Variants in KCNAB2 observed in about 807,000 individuals in gnomAD.
The protein encoded by KCNAB2 is voltage-gated potassium channel subunit beta-2.
Under a neutral mutation model 63.6 loss-of-function variants are expected in KCNAB2, and 29 were observed. The observed-to-expected ratio is 0.46, with a 90% CI of 0.34 to 0.62. The LOEUF is 0.62. KCNAB2 is among the 20% of genes least tolerant of loss of function. KCNAB2 has a pLI of 0.01. For synonymous variants in KCNAB2, 222 were observed against 224.2 expected, an observed-to-expected ratio of 0.99 and a Z score of 0.09; for missense variants, 359 against 563.9, an observed-to-expected ratio of 0.64 and a Z score of 3.68.
intron 10 of KCNAB2, among the ~76,000 whole-genome samples, chr1:6,093,311 C>T (rs1188470410): frequency 1.3e-5 from 2 of 152,226 alleles, no homozygotes; most frequent in Non-Finnish European, 2.9e-5. Context: ...GCACTGTATC[C>T]GACCCGTGAG....
rs2100748261 is a variant in KCNAB2 at position 6,087,747 on chromosome 1, T to C, written c.470+236T>C. On this transcript the variant is annotated intron_variant, in intron 7 of 15. Transcript: ENST00000378083. The surrounding 1 kb of genome is among the most constrained non-coding windows in gnomAD (Gnocchi z 6.4). ...CAGCTATGCCTGGTGCCTGTCCCTG[T>C]TAAGGGACGTCAAATCCAGAAAAGA... Among the ~76,000 whole-genome samples the C allele has an allele frequency of 6.6e-6, 1 of 152,362 alleles. No homozygotes were observed. The highest frequency in any genetic ancestry group is 2.1e-4 in the South Asian group (1 of 4,828).
At position 5,994,467 on chromosome 1, in the gene KCNAB2, G is replaced by A. The variant is rs1042147354; in HGVS notation, c.-53+1679G>A. Among the ~76,000 whole-genome samples the A allele has an allele frequency of 6.6e-5, 10 of 152,196 alleles. No homozygotes were observed. The South Asian group carries it at 8.3e-4, about 13-fold the overall frequency. The stretch of plus-strand genomic sequence containing the variant: ...GGCCTCAGTGGCACTGACAGTGTTC[G>A]GGCCGCAGCACATCCCTCGAGAGCA... On this transcript the variant is annotated intron_variant, in intron 1 of 16. Coordinates refer to the KCNAB2 transcript ENST00000341524. The surrounding 1 kb of genome is among the most constrained non-coding windows in gnomAD (Gnocchi z 5.4).
chr1:6,066,405 A>G (rs1394033826), intron 2 of KCNAB2, among the ~76,000 whole-genome samples: 1 of 152,198 alleles, frequency 6.6e-6, no homozygotes, highest in Non-Finnish European at 1.5e-5. Context: ...GTTTGTGCTG[A>G]GGGCCGGGAG....
chr1:6,083,232 T>A (rs559083452), intron 5 of KCNAB2, among the ~76,000 whole-genome samples: 3 of 151,934 alleles, frequency 2.0e-5, no homozygotes, highest in South Asian at 4.2e-4. Flanking sequence ...AGCGGAGGGG[T>A]CTGAGGTCAA....
chr1:6,064,828 C>T (rs1662605921), intron 2 of KCNAB2, among the ~76,000 whole-genome samples: 2 of 152,154 alleles, frequency 1.3e-5, no homozygotes, highest in East Asian at 1.9e-4. Context: ...GTGAGGGGGA[C>T]ACTTGGGATC....
In KCNAB2 at chr1:6,028,285, T is replaced by C. The variant is rs1659341894; in HGVS notation, c.-52-12232T>C. 6.6e-6 allele frequency among the ~76,000 whole-genome samples: 1 copy of C among 152,212 alleles called. No individual in the cohort carries two copies. The highest frequency in any genetic ancestry group is 2.4e-5 in the African/African-American group (1 of 41,454). ...TCTGTGTCATGCGGTTTTGAGCAGT[T>C]ATACCTCTTCCTGTCTCCGCTGGAA... On this transcript the variant is annotated intron_variant, in intron 1 of 16. Coordinates refer to the KCNAB2 transcript ENST00000341524. The surrounding 1 kb of genome is among the most constrained non-coding windows in gnomAD (Gnocchi z 4.0).
chr1:5,996,576 C>T (rs1656951211), intron 1 of KCNAB2, among the ~76,000 whole-genome samples: 1 of 152,268 alleles, frequency 6.6e-6, no homozygotes, highest in Non-Finnish European at 1.5e-5. Flanking sequence ...GCCGGCTTCC[C>T]CGGCACCTGT....
rs1449294196 is a variant in KCNAB2, at chr1:6,100,168, A to C, written c.*1594A>C. ...CTGCTGTCCAGTCCTGGCCGGGCCA[A>C]GGCCTGGGAAACTGTGAAAGTCAGA... is the stretch of plus-strand genomic sequence containing the variant. On this transcript the variant is annotated 3_prime_UTR_variant, in exon 16 of 16. Coordinates refer to ENST00000378083, the MANE Select transcript of KCNAB2 (RefSeq NM_001199862.2). 3.0e-5 allele frequency: 39 copies of C among 1,294,192 alleles called. No homozygotes were observed. The highest frequency in any genetic ancestry group is 3.7e-5 in the Non-Finnish European group (37 of 991,018). 80.2% of individuals were successfully genotyped at this position (1,294,192 alleles called of 1,614,324 possible). A position where few individuals can be genotyped will look rare whatever the true frequency, so the allele number is the denominator to read the frequency against.
At chr1:6,094,170 G>A (rs990465665) in intron 10 of KCNAB2, among the ~76,000 whole-genome samples, 1 of 152,052 alleles carries the variant, frequency 6.6e-6, no homozygotes, top group Admixed American at 6.6e-5. Context: ...GTAACCAGTC[G>A]GGGAAATTGT....
Position 6,028,164 on chromosome 1 carries a change from C to G in KCNAB2, c.-52-12353C>G, listed in dbSNP as rs941991012. 4.6e-5 allele frequency among the ~76,000 whole-genome samples: 7 copies of G among 152,236 alleles called. No homozygotes were observed. The highest frequency in any genetic ancestry group is 9.6e-5 in the African/African-American group (4 of 41,458). ...CACCTGCCTTCGTTGCAGCATTGAC[C>G]CTCTGCCATCAGATCCCACCCAGGG... On this transcript the variant is annotated intron_variant, in intron 1 of 16. Transcript: ENST00000341524. This position sits in a 1 kb window ranked among gnomAD's most constrained non-coding sequence, Gnocchi z 4.0.
At chr1:6,006,696 A>G (rs374522546) in intron 1 of KCNAB2, among the ~76,000 whole-genome samples, 1,350 of 38,940 alleles carry the variant, frequency 0.035, 91 homozygotes, top group Admixed American at 0.084. Flanking sequence ...CAGCTCCCAC[A>G]TCCCCCACTT....
intron 10 of KCNAB2, among the ~76,000 whole-genome samples, chr1:6,094,100 A>G (rs1286868525): frequency 6.6e-6 from 1 of 152,152 alleles, no homozygotes; most frequent in Non-Finnish European, 1.5e-5. Context: ...GTCCCCTCTA[A>G]TCTACCATAG....
intron 8 of KCNAB2, among the ~76,000 whole-genome samples, chr1:6,089,336 C>T (rs879515547): frequency 6.6e-6 from 1 of 152,214 alleles, no homozygotes; most frequent in Non-Finnish European, 1.5e-5. Context: ...CAGGGGCACC[C>T]TGCCCCATGC....
At chr1:6,095,902 C>A (rs537634500) in intron 13 of KCNAB2, among the ~76,000 whole-genome samples, 1 of 133,604 alleles carries the variant, frequency 7.5e-6, no homozygotes, top group African/African-American at 2.7e-5. Flanking sequence ...CCATCTCTAC[C>A]CCCTACCACA....
rs753472014 is a variant in KCNAB2 at position 6,005,921 on chromosome 1, TCCC to T, written c.-53+13137_-53+13139del. On this transcript the variant is annotated intron_variant, in intron 1 of 16. Transcript: ENST00000341524. ...CTCACCCCTCAGCTCAGCTCCCACA[TCCC>T]CCCACTCCACCCTCACCCCTCAGCT... Among the ~76,000 whole-genome samples the T allele has an allele frequency of 4.2e-3, 426 of 102,132 alleles. 11 individuals carry two copies. In the East Asian group the frequency reaches 0.049, roughly 12 times the overall value. 67.0% of individuals were successfully genotyped at this position (102,132 alleles called of 152,430 possible).
At chr1:6,033,779 G>T (rs983655677), upstream of KCNAB2, among the ~76,000 whole-genome samples, 1 of 152,128 alleles carries the variant, frequency 6.6e-6, no homozygotes. Context: ...TTAATGACCG[G>T]ATTCCTTCCT....
At chr1:6,045,781 G>C (rs921551008), upstream of KCNAB2, 2 of 445,216 alleles carry the variant, frequency 4.5e-6, no homozygotes, top group Admixed American at 6.4e-5. This position sits in a 1 kb window ranked among gnomAD's most constrained non-coding sequence, Gnocchi z 4.8. Context: ...GGGTCCAAAG[G>C]TTTGTGTTTC....
At chr1:6,033,359 G>T (rs192536684), upstream of KCNAB2, among the ~76,000 whole-genome samples, 556 of 151,736 alleles carry the variant, frequency 3.7e-3, 9 homozygotes, top group African/African-American at 0.013. Flanking sequence ...GTGCGTGTGG[G>T]TGTGTGTGCA....
rs1268065163 is a variant in KCNAB2 at position 6,098,724 on chromosome 1, C to T, written c.*150C>T. ...GTCATCGGGAAATGATCTCCCAAGT[C>T]GCTGCCAGACACCACCCACTGCTTC... On this transcript the variant is annotated 3_prime_UTR_variant, in exon 16 of 16. Coordinates refer to ENST00000378083, the MANE Select transcript of KCNAB2 (RefSeq NM_001199862.2). 9.1e-6 allele frequency: 9 copies of T among 988,252 alleles called. No homozygotes were observed. In the African/African-American group the frequency reaches 9.8e-5, roughly 11 times the overall value. 61.2% of individuals were successfully genotyped at this position (988,252 alleles called of 1,614,324 possible).
Sources: gnomAD v4.1 joint callset for allele counts (sites outside exome capture counted in the v4.1 genomes callset) on GRCh38, gnomAD v4.1.1 for gene constraint, Gnocchi (gnomAD v3.1) non-coding constraint, MANE v1.5 for transcripts, NCBI Gene and HGNC (gene_info 2026-07-23, HGNC 2026-07-21) for gene names.